The following PDE3B variants were observed in gnomAD, a reference collection of about 807,000 sequenced individuals.
PDE3B encodes phosphodiesterase 3B, also known as cGMP-inhibited 3',5'-cyclic phosphodiesterase 3B.
In PDE3B, 66 loss-of-function variants were observed where a neutral mutation model predicts 116.8. That is an observed-to-expected ratio of 0.56 (90% confidence interval 0.46 to 0.69). PDE3B has a LOEUF of 0.69. Among genes scored for constraint, PDE3B ranks in the 30% least tolerant of loss-of-function variants. The pLI, the probability that PDE3B is intolerant of heterozygous loss-of-function variation, is 0.00. For missense variants in PDE3B, 1,384 were observed against 1,368.1 expected (o/e 1.01, Z -0.18); for synonymous variants, 595 against 533.6 (o/e 1.12, Z -1.59).
intron 5 of PDE3B, among the ~76,000 whole-genome samples, chr11:14,816,495 C>G (rs2133947950): frequency 6.6e-6 from 1 of 152,186 alleles, no homozygotes; most frequent in East Asian, 1.9e-4. Flanking sequence ...GTTTGAGGCA[C>G]TCAGCAAAGG....
chr11:14,782,136 C>T (rs1858024327), intron 2 of PDE3B, among the ~76,000 whole-genome samples: 1 of 152,172 alleles, frequency 6.6e-6, no homozygotes. Flanking sequence ...GAACTACAAA[C>T]CACTGCTCAA....
chr11:14,830,740 T>G lies in PDE3B; in HGVS notation c.1850T>G (p.Met617Arg). ...TTCTCGAAAGAATCATTCAAACTTA[T>G]GGAAACTCAACAAGAAGAGGAAACA... ...NIFSKESFKL[M>R]ETQQEEETEK... The change falls in exon 8 of 16, where the codon ATG (methionine) becomes AGG (arginine). Residue 617 changes from methionine (M) to arginine (R), a missense_variant. Met to Arg is a moderately conservative substitution (Grantham distance 91). Around this residue, in one of 2 missense-constraint regions of PDE3B, gnomAD observed 956 missense variants for 806.8 expected, o/e 1.18. Coordinates refer to ENST00000282096, the MANE Select transcript of PDE3B (RefSeq NM_000922.4). 6.7e-7 allele frequency: 1 copy of G among 1,497,116 alleles called. No individual in the cohort carries two copies. The allele number at this position is 1,497,116 out of a possible 1,614,324, so 92.7% of individuals were successfully genotyped here. A position where few individuals can be genotyped will look rare whatever the true frequency, so the allele number is the denominator to read the frequency against.
chr11:14,724,021 A>C (rs1240686835), intron 1 of PDE3B, among the ~76,000 whole-genome samples: 2 of 152,338 alleles, frequency 1.3e-5, no homozygotes, highest in East Asian at 3.9e-4. Flanking sequence ...ATATCATTGT[A>C]GTTAAAATAT....
At position 14,733,060 on chromosome 11, in the gene PDE3B, A is replaced by G. The variant is rs139508956; in HGVS notation, c.979-38877A>G. Among the ~76,000 whole-genome samples, 302 of 152,316 alleles carry G rather than the reference A, an allele frequency of 2.0e-3. 1 individual carries two copies. Among genetic ancestry groups the G allele is most frequent in the African/African-American group, 6.6e-3 (275 of 41,572 alleles). ...TTTATTTTCACAAATCGATATACCT[A>G]TTTTTTGAACAGTAGTATGCATATT... On this transcript the variant is annotated intron_variant, in intron 1 of 15. Coordinates refer to ENST00000282096, the MANE Select transcript of PDE3B (RefSeq NM_000922.4).
chr11:14,764,657 T>C (rs2133890960), intron 1 of PDE3B, among the ~76,000 whole-genome samples: 1 of 152,170 alleles, frequency 6.6e-6, no homozygotes, highest in Admixed American at 6.6e-5. Flanking sequence ...TTGGGAAGTC[T>C]TTGTTTTGTC....
chr11:14,861,778 G>T (rs1177730388), intron 14 of PDE3B, among the ~76,000 whole-genome samples: 1 of 152,172 alleles, frequency 6.6e-6, no homozygotes, highest in African/African-American at 2.4e-5. Flanking sequence ...ATGAAAGGAA[G>T]TAAAGTACAC....
chr11:14,795,443 G>A (rs748610403), intron 4 of PDE3B, among the ~76,000 whole-genome samples: 2 of 152,100 alleles, frequency 1.3e-5, no homozygotes, highest in African/African-American at 4.8e-5. Context: ...TGCTTTCTTC[G>A]TATTGATTTA....
At chr11:14,723,494 C>G (rs1856184596) in intron 1 of PDE3B, among the ~76,000 whole-genome samples, 1 of 152,126 alleles carries the variant, frequency 6.6e-6, no homozygotes, top group Non-Finnish European at 1.5e-5. Flanking sequence ...TGGCTCATGC[C>G]TGTAATTCTA....
the PDE3B span, among the ~76,000 whole-genome samples, chr11:14,887,908 T>A: frequency 6.6e-6 from 1 of 152,200 alleles, no homozygotes; most frequent in African/African-American, 2.4e-5. Context: ...TTCTCCCTTA[T>A]AACAACAACC....
chr11:14,723,088 C>G (rs1043586704), intron 1 of PDE3B, among the ~76,000 whole-genome samples: 2 of 152,182 alleles, frequency 1.3e-5, no homozygotes, highest in Admixed American at 6.6e-5. Flanking sequence ...CAATAGATAA[C>G]ATGTATTGAA....
At chr11:14,655,591 G>A (rs139742385) in intron 1 of PDE3B, among the ~76,000 whole-genome samples, 2 of 152,266 alleles carry the variant, frequency 1.3e-5, no homozygotes, top group African/African-American at 4.8e-5. Flanking sequence ...AGACTCAGAT[G>A]TGCAGACTAG....
At position 14,643,990 on chromosome 11, in the gene PDE3B, C is replaced by T. The variant is rs1853272752; in HGVS notation, c.-86C>T. On this transcript the variant is annotated 5_prime_UTR_variant, in exon 1 of 16. In the 5' UTR this introduces an upstream ATG that the reference lacks. Transcript: ENST00000282096. The stretch of plus-strand genomic sequence containing the variant: ...GTTGCGAACCAGGGGGCGCCCCGAA[C>T]GCGGGGGTTGGGGTCTGGGAGCGCG... 4 of 1,375,102 alleles carry T rather than the reference C, an allele frequency of 2.9e-6. No individual in the cohort carries two copies. The African/African-American group carries it at 4.6e-5, about 16-fold the overall frequency. The allele number at this position is 1,375,102 out of a possible 1,614,324, so 85.2% of individuals were successfully genotyped here. A position where few individuals can be genotyped will look rare whatever the true frequency, so the allele number is the denominator to read the frequency against.
chr11:14,842,384 A>G (rs889988769), intron 11 of PDE3B, among the ~76,000 whole-genome samples: 8 of 152,204 alleles, frequency 5.3e-5, no homozygotes, highest in Non-Finnish European at 1.0e-4. Flanking sequence ...TGAATTTAAA[A>G]GGAAATATTT....
the PDE3B span, chr11:14,891,217 G>C: frequency 2.0e-6 from 2 of 984,216 alleles, no homozygotes; most frequent in Non-Finnish European, 2.4e-6. Context: ...TTTCCCCTCC[G>C]CAGAATGAGG....
chr11:14,876,375 A>G (rs1337060982), downstream of PDE3B, among the ~76,000 whole-genome samples: 1 of 152,158 alleles, frequency 6.6e-6, no homozygotes, highest in African/African-American at 2.4e-5. Flanking sequence ...GAAAGATTCA[A>G]GAAGGTAGGT....
chr11:14,883,377 C>T, the PDE3B span, among the ~76,000 whole-genome samples: 1 of 152,118 alleles, frequency 6.6e-6, no homozygotes, highest in Non-Finnish European at 1.5e-5. Context: ...AGAAATAATG[C>T]CGCATATCTA....
intron 11 of PDE3B, among the ~76,000 whole-genome samples, chr11:14,840,488 G>T (rs749544236): frequency 3.3e-5 from 5 of 152,196 alleles, no homozygotes; most frequent in African/African-American, 4.8e-5. Flanking sequence ...TAAAAGCACA[G>T]AATGTAAGTT....
chr11:14,695,679 C>T (rs11023309), intron 1 of PDE3B, among the ~76,000 whole-genome samples: 18,086 of 151,842 alleles, frequency 0.12, 1,372 homozygotes, highest in African/African-American at 0.22. Flanking sequence ...CCCACCCTCC[C>T]CCAACAGGCC....
chr11:14,701,437 A>G (rs1855359305), intron 1 of PDE3B, among the ~76,000 whole-genome samples: 1 of 151,728 alleles, frequency 6.6e-6, no homozygotes, highest in South Asian at 2.1e-4. Flanking sequence ...TTCAAGTAAT[A>G]TATGCACATA....
Sources: allele counts gnomAD v4.1 joint callset (sites outside exome capture counted in the v4.1 genomes callset), GRCh38; gene constraint gnomAD v4.1.1; regional missense constraint gnomAD v4.1.1; transcripts MANE v1.5; gene names NCBI Gene and HGNC (gene_info 2026-07-23, HGNC 2026-07-21).